Variants in PHIP observed in about 807,000 individuals in gnomAD.
The protein encoded by PHIP is PHIP subunit of CUL4-Ring ligase complex, also known as PH-interacting protein.
In PHIP, 54 loss-of-function variants were observed where a neutral mutation model predicts 236.8. That is an observed-to-expected ratio of 0.23 (90% CI 0.18 to 0.29). The LOEUF (loss-of-function observed/expected upper bound fraction) is 0.29. Ranked by LOEUF, PHIP falls within the 10% of genes least tolerant of loss-of-function variation. The pLI is 1.00. For missense variants in PHIP, 1,370 were observed against 2,190.8 expected (o/e 0.63, Z 7.48); for synonymous variants, 756 against 718.9 (o/e 1.05, Z -0.83).
chr6:78,940,926 T>C lies in PHIP; in HGVS notation c.5233A>G (p.Lys1745Glu). 6.2e-7 allele frequency: 1 copy of C among 1,614,014 alleles called. No individual in the cohort carries two copies. The highest frequency in any genetic ancestry group is 8.5e-7 in the Non-Finnish European group (1 of 1,179,908). The change falls in exon 40 of 40, where the codon AAG (lysine) becomes GAG (glutamate). Residue 1745 changes from lysine to glutamate, a missense_variant. Physicochemically the swap from Lys to Glu is moderately conservative, Grantham distance 56 (BLOSUM62 1). Around this residue, in one of 14 missense-constraint regions of PHIP, gnomAD observed 309 missense variants for 328.3 expected, o/e 0.94. Transcript: ENST00000275034. ...TCCTCATCTATAGGATCATCTATCT[T>C]TTTTCGGTTACTTCTCCTTAACACT... Reference protein sequence around the residue: ...VKVLRRSNRKKIDDPIDEEEE... With the variant: ...VKVLRRSNRKEIDDPIDEEEE...
Position 78,946,206 on chromosome 6 carries a change from G to T in PHIP, c.4425C>A (p.Thr1475=), listed in dbSNP as rs1210951870. 1 of 1,612,556 alleles carries T rather than the reference G, an allele frequency of 6.2e-7. No individual in the cohort carries two copies. Among genetic ancestry groups the T allele is most frequent in the Non-Finnish European group, 8.5e-7 (1 of 1,178,622 alleles). The change falls in exon 38 of 40, where the codon ACC becomes ACA. Residue 1475 remains threonine (T), a synonymous_variant. Coordinates refer to ENST00000275034, the MANE Select transcript of PHIP (RefSeq NM_017934.7). The part of the protein sequence containing the change: ...LKPQLKSESS[T]SAFSTPTRSI... ...ATCGTGTAGGTGTAGAGAATGCAGA[G>T]GTAGAGCTTTCTGATTTTAGCTGGG...
At chr6:78,963,075 A>T in intron 30 of PHIP, 22 bp downstream of exon 30, 1 of 1,553,272 alleles carries the variant, frequency 6.4e-7, no homozygotes. Context: ...TTTTTTCTAT[A>T]CTCGCGTGTT....
At chr6:78,985,926 TG>T in intron 21 of PHIP, among the ~76,000 whole-genome samples, 1 of 152,180 alleles carries the variant, frequency 6.6e-6, no homozygotes, top group Non-Finnish European at 1.5e-5. Flanking sequence ...AATGAGAATA[TG>T]TAAATGTATA....
At chr6:79,050,229 G>A (rs188865323) in intron 6 of PHIP, among the ~76,000 whole-genome samples, 175 of 152,226 alleles carry the variant, frequency 1.1e-3, no homozygotes, top group Non-Finnish European at 1.9e-3. Context: ...CTCTTACGAC[G>A]TGTAGCAAAT....
rs959761609 is a variant in PHIP, at chr6:79,015,359, G to GTA, written c.1390-145_1390-144dup. Reference sequence around the variant, plus strand: ...TGGCAAAAATCTTCAAATTTGTCATGTATATATAATAATGAAACTGAGCTA... The same window carrying GTA: ...TGGCAAAAATCTTCAAATTTGTCATGTATATATATAATAATGAAACTGAGCTA... On this transcript the variant is annotated intron_variant, in intron 14 of 39. Coordinates refer to ENST00000275034, the MANE Select transcript of PHIP (RefSeq NM_017934.7). 1.4e-4 allele frequency: 100 copies of GTA among 692,704 alleles called. 1 individual carries two copies. The highest frequency in any genetic ancestry group is 2.9e-5 in the Non-Finnish European group (12 of 414,094). 42.9% of individuals were successfully genotyped at this position (692,704 alleles called of 1,614,324 possible).
chr6:79,050,125 TA>T (rs551243000), intron 6 of PHIP, among the ~76,000 whole-genome samples: 80 of 144,402 alleles, frequency 5.5e-4, no homozygotes, highest in Admixed American at 1.2e-3. Context: ...ATCTGACGAT[TA>T]AAAAAAAAAA....
At chr6:78,986,278 A>T (rs1255016539) in intron 21 of PHIP, among the ~76,000 whole-genome samples, 1 of 152,252 alleles carries the variant, frequency 6.6e-6, no homozygotes, top group Non-Finnish European at 1.5e-5. Flanking sequence ...ATTCATGAGT[A>T]AACAAAGAAT....
intron 17 of PHIP, among the ~76,000 whole-genome samples, chr6:78,998,661 A>G (rs1484665216): frequency 6.6e-6 from 1 of 152,194 alleles, no homozygotes; most frequent in Non-Finnish European, 1.5e-5. Context: ...TGGTAACTCC[A>G]TTAGGTATGT....
In PHIP at chr6:78,961,613, A is replaced by G. The variant is rs570919465; in HGVS notation, c.3656+77T>C. The G allele has an allele frequency of 2.1e-5, 30 of 1,452,616 alleles. 1 individual carries two copies. The South Asian group carries it at 3.6e-4, about 17-fold the overall frequency. 90.0% of individuals were successfully genotyped at this position (1,452,616 alleles called of 1,614,324 possible). A position where few individuals can be genotyped will look rare whatever the true frequency, so the allele number is the denominator to read the frequency against. Reference sequence around the variant, plus strand: ...ATTCCTATATACAAAAAGTTGAGAAACACTGCTAAAGATCAGTAAATGGGT... The same window carrying G: ...ATTCCTATATACAAAAAGTTGAGAAGCACTGCTAAAGATCAGTAAATGGGT... On this transcript the variant is annotated intron_variant, in intron 31 of 39. Transcript: ENST00000275034.
chr6:78,998,906 G>A (rs777188754), intron 17 of PHIP, among the ~76,000 whole-genome samples: 20 of 152,162 alleles, frequency 1.3e-4, no homozygotes, highest in Non-Finnish European at 2.2e-4. Flanking sequence ...GTAAATAAGG[G>A]ACATGAAGAT....
In PHIP at chr6:78,943,988, TTTAAAA is replaced by T. The variant is rs1773656675; in HGVS notation, c.4828+1306_4828+1311del. Among the ~76,000 whole-genome samples the T allele has an allele frequency of 2.5e-4, 6 of 24,414 alleles. No homozygotes were observed. In the South Asian group the frequency reaches 0.015, roughly 60 times the overall value. The allele number at this position is 24,414 out of a possible 152,430, so 16.0% of individuals were successfully genotyped here. On this transcript the variant is annotated intron_variant, in intron 39 of 39. Transcript: ENST00000275034. ...GTGACAGAGCAAGATCCTGTCTTTT[TTTAAAA>T]AAAAAAAAAAAAAAAAAAAGGAAGT... is the stretch of plus-strand genomic sequence containing the variant.
intron 25 of PHIP, 99 bp from the exon 26 acceptor site, chr6:78,970,272 G>C (rs1379551259): frequency 1.9e-5 from 19 of 974,772 alleles, no homozygotes; most frequent in Non-Finnish European, 2.2e-5. Context: ...TTTAAATCTT[G>C]ATCTGGATGG....
At position 79,060,664 on chromosome 6, in the gene PHIP, A is replaced by T. The variant is rs531878191; in HGVS notation, c.340+4T>A. The T allele has an allele frequency of 6.7e-5, 108 of 1,610,208 alleles. 1 individual carries two copies. The South Asian group carries it at 1.2e-3, about 17-fold the overall frequency. ...GTCTAAATCCTATGAGAAAATTTTC[A>T]TACTTTTATTTGTGCGTAGTAAAGA... On this transcript the variant is annotated splice_donor_region_variant and intron_variant, in intron 5 of 39. Coordinates refer to ENST00000275034, the MANE Select transcript of PHIP (RefSeq NM_017934.7).
At chr6:79,065,596 T>G (rs1773582640) in intron 4 of PHIP, among the ~76,000 whole-genome samples, 1 of 152,164 alleles carries the variant, frequency 6.6e-6, no homozygotes, top group Non-Finnish European at 1.5e-5. Context: ...TTCTATACTC[T>G]ACACAATCCA....
At chr6:79,026,543 T>C (rs1771409636) in intron 7 of PHIP, among the ~76,000 whole-genome samples, 1 of 152,054 alleles carries the variant, frequency 6.6e-6, no homozygotes, top group Non-Finnish European at 1.5e-5. Flanking sequence ...TGTTTTGTAA[T>C]ACAAAACTAA....
In PHIP at chr6:78,983,018, G is replaced by C; in HGVS notation, c.2637C>G (p.Ser879Arg). 4 of 1,610,034 alleles carry C rather than the reference G, an allele frequency of 2.5e-6. No individual in the cohort carries two copies. Among genetic ancestry groups the C allele is most frequent in the Non-Finnish European group, 3.4e-6 (4 of 1,177,632 alleles). Reference protein sequence around the residue: ...VPKNKTKKAESSSDEEEESEK... With the variant: ...VPKNKTKKAERSSDEEEESEK... ...CAGATTCTTCTTCTTCATCTGAACTGCTTTCTGCTTTCTTGGTTTTATTCT... is the reference window on the plus strand; with the variant it reads ...CAGATTCTTCTTCTTCATCTGAACTCCTTTCTGCTTTCTTGGTTTTATTCT... The change falls in exon 23 of 40, where the codon AGC (serine) becomes AGG (arginine). Residue 879 changes from serine to arginine, a missense_variant. Physicochemically the swap from Ser to Arg is moderately radical, Grantham distance 110. Around this residue, in one of 14 missense-constraint regions of PHIP, gnomAD observed 76 missense variants for 76.4 expected, o/e 0.99. Coordinates refer to ENST00000275034, the MANE Select transcript of PHIP (RefSeq NM_017934.7).
chr6:78,976,139 A>G (rs1187215687), intron 24 of PHIP, among the ~76,000 whole-genome samples: 9 of 150,268 alleles, frequency 6.0e-5, no homozygotes, highest in South Asian at 4.2e-4. Flanking sequence ...ACAAGGCTAC[A>G]GTAACCAAAA....
At chr6:79,032,681 G>T (rs1221542513) in intron 7 of PHIP, among the ~76,000 whole-genome samples, 2 of 151,780 alleles carry the variant, frequency 1.3e-5, no homozygotes. Flanking sequence ...ACCCCTGAAA[G>T]TCATCCACAG....
At chr6:78,995,567 G>T (rs1374076430) in intron 19 of PHIP, among the ~76,000 whole-genome samples, 3 of 152,194 alleles carry the variant, frequency 2.0e-5, no homozygotes, top group African/African-American at 7.2e-5. Context: ...ACCATTCTGA[G>T]AAGAATGCAG....
Sources: gnomAD v4.1 joint callset for allele counts (sites outside exome capture counted in the v4.1 genomes callset) on GRCh38, gnomAD v4.1.1 for gene constraint, gnomAD v4.1.1 regional missense constraint, MANE v1.5 for transcripts, NCBI Gene and HGNC (gene_info 2026-07-23, HGNC 2026-07-21) for gene names.